ELAPOR2: variants seen among roughly 807,000 people sequenced by gnomAD.
ELAPOR2 encodes endosome-lysosome associated apoptosis and autophagy regulator family member 2.
In ELAPOR2, 89 loss-of-function variants were observed where a neutral mutation model predicts 120.7. That is an observed-to-expected ratio of 0.74 (90% confidence interval 0.62 to 0.88). The LOEUF (loss-of-function observed/expected upper bound fraction) is 0.88. Ranked by LOEUF, ELAPOR2 falls within the 40% of genes least tolerant of loss-of-function variation. The pLI, the probability that ELAPOR2 is intolerant of heterozygous loss-of-function variation, is 0.00. For synonymous variants in ELAPOR2, 444 were observed against 444.9 expected (o/e 1.00, Z 0.03); for missense variants, 1,134 against 1,251.6 (o/e 0.91, Z 1.42).
Position 86,897,549 on chromosome 7 carries a change from T to C in ELAPOR2, c.2642A>G (p.His881Arg). The C allele has an allele frequency of 1.2e-6, 2 of 1,613,300 alleles. No individual in the cohort carries two copies. The highest frequency in any genetic ancestry group is 1.7e-6 in the Non-Finnish European group (2 of 1,179,498). Residue 881 changes from histidine (H) to arginine (R), a missense_variant, in exon 19 of 22, where the codon CAT becomes CGT. Transcript: ENST00000450689. ...SAEACPLCTEHDFHEIEGACK... is the reference protein window; with the variant it reads ...SAEACPLCTERDFHEIEGACK... ...GGCTCCCTCAATCTCATGGAAGTCA[T>C]GCTCCGTACACAGAGGGCAAGCTTC...
intron 1 of ELAPOR2, among the ~76,000 whole-genome samples, chr7:87,047,781 A>C (rs1056117861): frequency 1.3e-5 from 2 of 152,216 alleles, no homozygotes; most frequent in Non-Finnish European, 2.9e-5. Flanking sequence ...CACAAAACTA[A>C]AAATAGAGCT....
chr7:87,045,778 A>AT (rs1247158819), intron 1 of ELAPOR2, among the ~76,000 whole-genome samples: 3 of 151,410 alleles, frequency 2.0e-5, no homozygotes, highest in South Asian at 4.1e-4. Flanking sequence ...ATAAATAAAA[A>AT]ATATATATAA....
chr7:86,974,355 C>A (rs894811100), intron 1 of ELAPOR2, among the ~76,000 whole-genome samples: 8 of 151,846 alleles, frequency 5.3e-5, no homozygotes, highest in African/African-American at 1.7e-4. Flanking sequence ...GCATGTAATC[C>A]AAGGAAGCCA....
At position 86,900,596 on chromosome 7, in the gene ELAPOR2, T is replaced by C. The variant is rs561948871; in HGVS notation, c.2559-2964A>G. The stretch of plus-strand genomic sequence containing the variant: ...GCTGCTGTTAGGTGTCAAAACACTA[T>C]AGTGCCTTTCCTTGGCAGACTTCAT... On this transcript the variant is annotated intron_variant, in intron 18 of 21. Coordinates refer to ENST00000450689, the MANE Select transcript of ELAPOR2 (RefSeq NM_001142749.3). Among the ~76,000 whole-genome samples, 17 of 152,322 alleles carry C rather than the reference T, an allele frequency of 1.1e-4. No homozygotes were observed. In the South Asian group the frequency reaches 1.9e-3, roughly 17 times the overall value.
At chr7:86,898,644 T>C (rs1401493710) in intron 18 of ELAPOR2, among the ~76,000 whole-genome samples, 1 of 149,578 alleles carries the variant, frequency 6.7e-6, no homozygotes, top group East Asian at 2.0e-4. Context: ...TTGGTAGGAG[T>C]TAGCCAGAAT....
intron 2 of ELAPOR2, among the ~76,000 whole-genome samples, chr7:86,961,782 T>C (rs1347288371): frequency 1.3e-5 from 2 of 152,228 alleles, no homozygotes; most frequent in Non-Finnish European, 2.9e-5. Flanking sequence ...AATGGCATGC[T>C]ACTTGCAAGA....
intron 1 of ELAPOR2, among the ~76,000 whole-genome samples, chr7:87,007,031 T>C (rs1793505221): frequency 6.6e-6 from 1 of 152,020 alleles, no homozygotes; most frequent in Non-Finnish European, 1.5e-5. Context: ...GTGAAAAGAG[T>C]CAGAAAAGTG....
chr7:86,898,149 T>C (rs1432522053), intron 18 of ELAPOR2, among the ~76,000 whole-genome samples: 3 of 152,250 alleles, frequency 2.0e-5, no homozygotes, highest in African/African-American at 7.2e-5. Context: ...TATAAAGGAA[T>C]ATTATTCAGC....
intron 1 of ELAPOR2, among the ~76,000 whole-genome samples, chr7:87,043,892 G>C (rs1474852968): frequency 1.3e-5 from 2 of 151,860 alleles, no homozygotes; most frequent in East Asian, 1.9e-4. Context: ...TCCTTAAGCT[G>C]ATAAGCAACT....
intron 1 of ELAPOR2, among the ~76,000 whole-genome samples, chr7:86,979,544 A>T (rs996109787): frequency 6.6e-6 from 1 of 152,242 alleles, no homozygotes; most frequent in Non-Finnish European, 1.5e-5. Flanking sequence ...GTTAAAACTA[A>T]TTGATTAAGT....
intron 1 of ELAPOR2, among the ~76,000 whole-genome samples, chr7:87,021,550 C>T (rs979156643): frequency 5.9e-5 from 9 of 152,166 alleles, no homozygotes; most frequent in East Asian, 3.9e-4. Flanking sequence ...GAATAACAAC[C>T]TTCTACGTAT....
rs75729421 is a variant in ELAPOR2, at chr7:86,972,167, G to C, written c.190-7143C>G. 2.0e-4 allele frequency among the ~76,000 whole-genome samples: 30 copies of C among 152,196 alleles called. No homozygotes were observed. The East Asian group carries it at 5.8e-3, about 29-fold the overall frequency. Reference sequence around the variant, plus strand: ...GCCCACTGGAAACAAATACCTGACAGAGACTTCTGATTTGAGGCTTGGAAC... The same window carrying C: ...GCCCACTGGAAACAAATACCTGACACAGACTTCTGATTTGAGGCTTGGAAC... On this transcript the variant is annotated intron_variant, in intron 1 of 21. Transcript: ENST00000450689.
chr7:86,925,002 A>G (rs1790002554), intron 10 of ELAPOR2, among the ~76,000 whole-genome samples: 1 of 152,070 alleles, frequency 6.6e-6, no homozygotes, highest in South Asian at 2.1e-4. Flanking sequence ...CTAGGCACTT[A>G]AAAGGTAAGA....
intron 1 of ELAPOR2, among the ~76,000 whole-genome samples, chr7:87,009,542 G>A (rs1793588774): frequency 1.3e-5 from 2 of 152,288 alleles, no homozygotes; most frequent in South Asian, 2.1e-4. Flanking sequence ...AATATAGTCA[G>A]TGGAGTACCC....
chr7:87,052,914 A>G (rs1470481341), intron 1 of ELAPOR2, among the ~76,000 whole-genome samples: 1 of 152,074 alleles, frequency 6.6e-6, no homozygotes, highest in Non-Finnish European at 1.5e-5. Context: ...CTCCCACCTC[A>G]GCATCCCAAG....
At chr7:87,013,055 A>G (rs1366245525) in intron 1 of ELAPOR2, among the ~76,000 whole-genome samples, 2 of 152,226 alleles carry the variant, frequency 1.3e-5, no homozygotes, top group Non-Finnish European at 2.9e-5. Context: ...CATTTCTGCT[A>G]TTACTCTAAG....
chr7:86,909,836 T>C lies in ELAPOR2; in HGVS notation c.2335A>G (p.Ile779Val), dbSNP rs934973440. Reference protein sequence around the residue: ...GFRAALSSQSIILADTFIGVT... With the variant: ...GFRAALSSQSVILADTFIGVT... ...CCTATGAATGTATCTGCCAGAATGA[T>C]GGATTGTGATGATAAGGCTGCTCGG... Residue 779 changes from isoleucine (I) to valine (V), a missense_variant, in exon 16 of 22, where the codon ATC (isoleucine) becomes GTC (valine). Ile to Val is a conservative substitution (Grantham distance 29). Transcript: ENST00000450689. 8 of 1,611,460 alleles carry C rather than the reference T, an allele frequency of 5.0e-6. No homozygotes were observed. The highest frequency in any genetic ancestry group is 1.3e-5 in the African/African-American group (1 of 74,774).
intron 1 of ELAPOR2, among the ~76,000 whole-genome samples, chr7:87,056,969 T>C (rs1170562939): frequency 6.6e-6 from 1 of 152,156 alleles, no homozygotes; most frequent in Non-Finnish European, 1.5e-5. Context: ...ACATTGAGAG[T>C]TGGTTTTAGC....
chr7:87,013,579 G>T (rs1218137021), intron 1 of ELAPOR2, among the ~76,000 whole-genome samples: 1 of 152,116 alleles, frequency 6.6e-6, no homozygotes, highest in East Asian at 1.9e-4. Context: ...GAAGGAGCAG[G>T]TGGTGAAGAA....
Sources: gnomAD v4.1 joint callset for allele counts (sites outside exome capture counted in the v4.1 genomes callset) on GRCh38, gnomAD v4.1.1 for gene constraint, MANE v1.5 for transcripts, NCBI Gene and HGNC (gene_info 2026-07-23, HGNC 2026-07-21) for gene names.